Variants in MGAM2 observed in about 807,000 individuals in gnomAD.
The protein encoded by MGAM2 is maltase-glucoamylase 2 (putative).
A neutral mutation model predicts 96.1 loss-of-function variants in MGAM2; 98 were observed. That is an observed-to-expected ratio of 1.02 (90% CI 0.87 to 1.21). The LOEUF (loss-of-function observed/expected upper bound fraction) is 1.21, where lower values mean the gene tolerates loss of function less well. Among genes scored for constraint, MGAM2 ranks in the 50% most tolerant of loss-of-function variants. MGAM2 has a pLI of 0.00. For synonymous variants in MGAM2, 749 were observed against 414.8 expected (o/e 1.81, Z -9.79); for missense variants, 2,055 against 1,182.4 (o/e 1.74, Z -10.82).
chr7:142,130,032 T>C (rs1401342918), intron 3 of MGAM2, among the ~76,000 whole-genome samples: 3 of 152,092 alleles, frequency 2.0e-5, no homozygotes, highest in African/African-American at 7.2e-5. Flanking sequence ...GTGGTCTCAG[T>C]TGCCATTTGT....
At chr7:142,156,700 G>A (rs1795745781) in intron 17 of MGAM2, among the ~76,000 whole-genome samples, 1 of 152,138 alleles carries the variant, frequency 6.6e-6, no homozygotes, top group Non-Finnish European at 1.5e-5. Context: ...GCCCTACACT[G>A]GGTGCATAGA....
intron 12 of MGAM2, among the ~76,000 whole-genome samples, chr7:142,142,563 C>G (rs1249680432): frequency 1.8e-5 from 2 of 111,098 alleles, no homozygotes; most frequent in African/African-American, 3.5e-5. Context: ...TGGAGTCTTG[C>G]TCTGTTGCCC....
chr7:142,212,185 A>G (rs1198894638), intron 46 of MGAM2, among the ~76,000 whole-genome samples: 1 of 152,236 alleles, frequency 6.6e-6, no homozygotes, highest in Non-Finnish European at 1.5e-5. Flanking sequence ...CCTGCCTTAC[A>G]AGAGCTCCTG....
At chr7:142,185,297 G>A (rs1331764522) in intron 34 of MGAM2, among the ~76,000 whole-genome samples, 158 bp downstream of exon 34, 1 of 152,156 alleles carries the variant, frequency 6.6e-6, no homozygotes, top group Non-Finnish European at 1.5e-5. Flanking sequence ...ATCCTCGAGT[G>A]GAAAGCTCAA....
chr7:142,132,752 T>TATATAATATATAATTATATA (rs1295084822), intron 6 of MGAM2, among the ~76,000 whole-genome samples: 9 of 125,734 alleles, frequency 7.2e-5, no homozygotes, highest in African/African-American at 1.6e-4. Flanking sequence ...TAACATATAA[T>TATATAATATATAATTATATA]ATATAATATA....
chr7:142,154,607 G>C (rs549049283), intron 16 of MGAM2, 122 bp from the exon 17 acceptor site: 6 of 619,268 alleles, frequency 9.7e-6, no homozygotes. Flanking sequence ...TGTGACTCTG[G>C]GATCTCCTTA....
chr7:142,139,659 C>CAAAAAA (rs765007343), intron 10 of MGAM2, among the ~76,000 whole-genome samples: 3 of 54,574 alleles, frequency 5.5e-5, no homozygotes, highest in African/African-American at 1.3e-4. Context: ...GGCTCTATCT[C>CAAAAAA]AAAAAAAAAA....
At chr7:142,207,638 C>T (rs1199186433) in intron 45 of MGAM2, among the ~76,000 whole-genome samples, 1 of 151,940 alleles carries the variant, frequency 6.6e-6, no homozygotes, top group Non-Finnish European at 1.5e-5. Context: ...ACCATGTTAG[C>T]CAGGACGGTC....
At chr7:142,132,382 TTATATAA>T (rs1316939711) in intron 6 of MGAM2, among the ~76,000 whole-genome samples, 2 of 142,946 alleles carry the variant, frequency 1.4e-5, no homozygotes, top group Non-Finnish European at 3.0e-5. Context: ...CATATATAAT[TTATATAA>T]TATATAATTA....
chr7:142,221,306 T>G lies in MGAM2; in HGVS notation c.6795T>G (p.Ser2265Arg). 1.5e-6 allele frequency: 1 copy of G among 656,836 alleles called. No individual in the cohort carries two copies. The highest frequency in any genetic ancestry group is 1.7e-5 in the South Asian group (1 of 58,768). The allele number at this position is 656,836 out of a possible 1,614,324, so 40.7% of individuals were successfully genotyped here. A position where few individuals can be genotyped will look rare whatever the true frequency, so the allele number is the denominator to read the frequency against. ...TAACAACTACTTCTTTTGGTAATAG[T>G]GTTCCTTTTGTGACTACTCCTTCTC... ...ISITTTSFGN[S>R]VPFVTTPSPS... Residue 2265 changes from serine (S) to arginine (R), a missense_variant, in exon 48 of 48, where the codon AGT becomes AGG. Coordinates refer to ENST00000477922, the MANE Select transcript of MGAM2 (RefSeq NM_001293626.2).
In MGAM2 at chr7:142,133,969, C is replaced by A; in HGVS notation, c.576-12C>A. ...TTTCGGTGATTCTTGCTCTACTTAC[C>A]CCATGGCCCAGGTTGGACACGAGCA... On this transcript the variant is annotated splice_polypyrimidine_tract_variant and intron_variant, in intron 6 of 47. Transcript: ENST00000477922. 1 of 698,818 alleles carries A rather than the reference C, an allele frequency of 1.4e-6. No individual in the cohort carries two copies. The highest frequency in any genetic ancestry group is 2.0e-5 in the Admixed American group (1 of 49,612). 43.3% of individuals were successfully genotyped at this position (698,818 alleles called of 1,614,324 possible).
At chr7:142,180,984 C>T (rs1373460068) in intron 32 of MGAM2, among the ~76,000 whole-genome samples, 1 of 152,136 alleles carries the variant, frequency 6.6e-6, no homozygotes, top group Non-Finnish European at 1.5e-5. Context: ...CAACATTCTC[C>T]TGAATCTTGT....
intron 3 of MGAM2, among the ~76,000 whole-genome samples, chr7:142,123,963 CTTTTTTT>C (rs960655956): frequency 2.0e-5 from 2 of 98,098 alleles, no homozygotes; most frequent in East Asian, 2.7e-4. Flanking sequence ...AGTCCAGAAA[CTTTTTTT>C]TTTTTTTTTT....
At chr7:142,176,902 A>C (rs1301930539) in intron 32 of MGAM2, among the ~76,000 whole-genome samples, 2 of 152,348 alleles carry the variant, frequency 1.3e-5, no homozygotes, top group Middle Eastern at 3.4e-3. Context: ...CTTTGTAAAA[A>C]TAGATTTCTA....
At chr7:142,150,769 A>G (rs751666352) in intron 15 of MGAM2, among the ~76,000 whole-genome samples, 9 of 152,164 alleles carry the variant, frequency 5.9e-5, no homozygotes, top group Non-Finnish European at 1.0e-4. Flanking sequence ...GCTATTTTTT[A>G]TACAGTGAAA....
In MGAM2 at chr7:142,206,174, G is replaced by C. The variant is rs565850360; in HGVS notation, c.5138-2399G>C. On this transcript the variant is annotated intron_variant, in intron 45 of 47. Coordinates refer to ENST00000477922, the MANE Select transcript of MGAM2 (RefSeq NM_001293626.2). ...TCTATTCTTATGTCAGCACTGCACT[G>C]TCTTGATTACAGTGGATTTGTAGTA... is the stretch of plus-strand genomic sequence containing the variant. Among the ~76,000 whole-genome samples the C allele has an allele frequency of 2.4e-4, 37 of 152,256 alleles. No individual in the cohort carries two copies. In the South Asian group the frequency reaches 4.4e-3, roughly 18 times the overall value.
At chr7:142,195,563 G>A (rs189259463) in intron 37 of MGAM2, among the ~76,000 whole-genome samples, 285 of 149,798 alleles carry the variant, frequency 1.9e-3, no homozygotes, top group African/African-American at 6.7e-3. Flanking sequence ...CACCATGTTG[G>A]CCAGGCTGGT....
At chr7:142,153,686 C>G (rs924413563) in intron 15 of MGAM2, among the ~76,000 whole-genome samples, 1 of 152,142 alleles carries the variant, frequency 6.6e-6, no homozygotes, top group Admixed American at 6.5e-5. Context: ...ACAAGGAACT[C>G]AAATCATGGT....
rs139335028 is a variant in MGAM2 at position 142,119,961 on chromosome 7, G to A, written c.107-341G>A. 3.7e-3 allele frequency among the ~76,000 whole-genome samples: 568 copies of A among 152,288 alleles called. 5 individuals carry two copies. The highest frequency in any genetic ancestry group is 0.013 in the African/African-American group (537 of 41,558). On this transcript the variant is annotated intron_variant, in intron 2 of 47. Transcript: ENST00000477922. Reference sequence around the variant, plus strand: ...TATTTCTTTTTGGAGTGATGAAATCGTTCTGGAATTCGACAGCGGTCACAG... The same window carrying A: ...TATTTCTTTTTGGAGTGATGAAATCATTCTGGAATTCGACAGCGGTCACAG...
Sources: gnomAD v4.1 joint callset for allele counts (sites outside exome capture counted in the v4.1 genomes callset) on GRCh38, gnomAD v4.1.1 for gene constraint, MANE v1.5 for transcripts, NCBI Gene and HGNC (gene_info 2026-07-23, HGNC 2026-07-21) for gene names.